OCA2: variants seen among roughly 807,000 people sequenced by gnomAD.
OCA2 encodes OCA2 melanosomal transmembrane protein.
OCA2 carries 77 observed loss-of-function variants against 100.2 expected under a neutral mutation model. That is an observed-to-expected ratio of 0.77 (90% confidence interval 0.64 to 0.93). The LOEUF (loss-of-function observed/expected upper bound fraction) is 0.93, where lower values mean the gene tolerates loss of function less well. Ranked by LOEUF, OCA2 falls within the 40% of genes least tolerant of loss-of-function variation. OCA2 has a pLI of 0.00. For synonymous variants in OCA2, 432 were observed against 439.2 expected (o/e 0.98, Z 0.21); for missense variants, 1,062 against 1,089.1 (o/e 0.98, Z 0.35).
rs115402076 is a variant in OCA2, at chr15:27,842,535, C to T, written c.2432+2424G>A. ...TAAGAAATTCATGCAAATAAAGGCCCTACTACAATTAGATAACCATTCCCT... is the reference window on the plus strand; with the variant it reads ...TAAGAAATTCATGCAAATAAAGGCCTTACTACAATTAGATAACCATTCCCT... On this transcript the variant is annotated intron_variant, in intron 23 of 23. Coordinates refer to ENST00000354638, the MANE Select transcript of OCA2 (RefSeq NM_000275.3). Among the ~76,000 whole-genome samples, 1,133 of 152,260 alleles carry T rather than the reference C, an allele frequency of 7.4e-3. 23 individuals are homozygous for T. The highest frequency in any genetic ancestry group is 0.026 in the African/African-American group (1,076 of 41,536).
chr15:27,730,733 ATATATATATATAT>A, the OCA2 span, among the ~76,000 whole-genome samples: 1 of 332 alleles, frequency 3.0e-3, no homozygotes, highest in Non-Finnish European at 0.011. Context: ...AAAAGACCAA[ATATATATATATAT>A]ATATATATAT....
chr15:27,882,461 T>C (rs1373629115), intron 19 of OCA2, among the ~76,000 whole-genome samples: 1 of 152,238 alleles, frequency 6.6e-6, no homozygotes, highest in African/African-American at 2.4e-5. Flanking sequence ...TCATTTCAAG[T>C]GCATTTTCTT....
chr15:28,029,486 T>C (rs1049276836), intron 3 of OCA2, among the ~76,000 whole-genome samples: 5 of 152,232 alleles, frequency 3.3e-5, no homozygotes, highest in African/African-American at 7.2e-5. Flanking sequence ...TGCTGTGCAA[T>C]AGAACTTTCT....
chr15:27,874,787 G>A (rs1277065379), intron 19 of OCA2, among the ~76,000 whole-genome samples: 1 of 152,016 alleles, frequency 6.6e-6, no homozygotes, highest in Non-Finnish European at 1.5e-5. Flanking sequence ...TGCCAGGAAA[G>A]GGGAAATAGA....
At chr15:27,914,734 C>T (rs1212760232) in intron 19 of OCA2, among the ~76,000 whole-genome samples, 2 of 152,082 alleles carry the variant, frequency 1.3e-5, no homozygotes, top group East Asian at 1.9e-4. Context: ...AATGGAAAAA[C>T]TTTCCATGCT....
chr15:27,760,296 T>C (rs1261392803), intron 23 of OCA2, among the ~76,000 whole-genome samples: 6 of 151,906 alleles, frequency 3.9e-5, no homozygotes, highest in Non-Finnish European at 1.5e-5. Context: ...AATTAAAAAC[T>C]ACAGCTAACA....
chr15:27,817,766 A>T (rs947390884), intron 23 of OCA2, among the ~76,000 whole-genome samples: 2 of 152,188 alleles, frequency 1.3e-5, no homozygotes, highest in Non-Finnish European at 2.9e-5. Flanking sequence ...CACAGGGGGC[A>T]TACAAACCTG....
At chr15:27,972,861 TTATTTTA>T (rs1241948963) in intron 14 of OCA2, among the ~76,000 whole-genome samples, 5 of 54,566 alleles carry the variant, frequency 9.2e-5, no homozygotes, top group Non-Finnish European at 3.3e-4. Flanking sequence ...TTATTTTATT[TTATTTTA>T]TTTTATTTTA....
At chr15:27,781,077 T>C (rs758469014) in intron 23 of OCA2, among the ~76,000 whole-genome samples, 5 of 152,248 alleles carry the variant, frequency 3.3e-5, no homozygotes, top group African/African-American at 4.8e-5. Context: ...TCTAAGCTCA[T>C]TGGACATCTC....
At chr15:27,789,006 T>A (rs1349022922) in intron 23 of OCA2, among the ~76,000 whole-genome samples, 1 of 152,104 alleles carries the variant, frequency 6.6e-6, no homozygotes, top group African/African-American at 2.4e-5. Context: ...ATTCTTTCCC[T>A]CCTCCTTTAT....
intron 2 of OCA2, among the ~76,000 whole-genome samples, chr15:28,033,031 G>T: frequency 6.6e-6 from 1 of 152,208 alleles, no homozygotes; most frequent in East Asian, 1.9e-4. Context: ...GCAAAGGTTT[G>T]CACTGGGCAG....
chr15:27,877,636 C>T (rs77383263), intron 19 of OCA2, among the ~76,000 whole-genome samples: 2,392 of 152,014 alleles, frequency 0.016, 57 homozygotes, highest in African/African-American at 0.051. Context: ...TGCTTATTAC[C>T]TGCATGCTAT....
intron 23 of OCA2, among the ~76,000 whole-genome samples, chr15:27,825,235 G>C (rs116287671): frequency 6.6e-6 from 1 of 152,092 alleles, no homozygotes; most frequent in South Asian, 2.1e-4. Flanking sequence ...CTGCCCTCCC[G>C]CCCCAGAGCT....
At chr15:27,882,966 GTCAGTCC>G (rs1304300404) in intron 19 of OCA2, among the ~76,000 whole-genome samples, 1 of 152,218 alleles carries the variant, frequency 6.6e-6, no homozygotes, top group African/African-American at 2.4e-5. Context: ...CCAGTCATCA[GTCAGTCC>G]TCTGGGCCTT....
chr15:28,065,797 C>T (rs529998973), intron 2 of OCA2, among the ~76,000 whole-genome samples: 1 of 152,186 alleles, frequency 6.6e-6, no homozygotes, highest in African/African-American at 2.4e-5. Context: ...TTTAAGTTCT[C>T]TCAGCAATAT....
intron 21 of OCA2, among the ~76,000 whole-genome samples, chr15:27,858,109 T>C (rs567300636): frequency 4.6e-5 from 7 of 152,298 alleles, no homozygotes; most frequent in Admixed American, 1.3e-4. Flanking sequence ...ATTACTTCTT[T>C]ATCAGAAATT....
At chr15:28,040,927 A>G (rs1415399256) in intron 2 of OCA2, among the ~76,000 whole-genome samples, 1 of 152,176 alleles carries the variant, frequency 6.6e-6, no homozygotes, top group South Asian at 2.1e-4. Context: ...ATTAACACCA[A>G]TTCTTCTCAA....
intron 19 of OCA2, among the ~76,000 whole-genome samples, chr15:27,887,047 T>C (rs1202224230): frequency 1.3e-5 from 2 of 152,190 alleles, no homozygotes; most frequent in African/African-American, 2.4e-5. Flanking sequence ...TCACGAGACC[T>C]GATGGTTTTA....
chr15:27,771,550 T>C (rs941672252), intron 23 of OCA2, among the ~76,000 whole-genome samples: 52 of 152,182 alleles, frequency 3.4e-4, no homozygotes, highest in African/African-American at 1.2e-3. Flanking sequence ...TTGAGACTTG[T>C]GTTCCACAGC....
Sources: gnomAD v4.1 joint callset for allele counts (sites outside exome capture counted in the v4.1 genomes callset) on GRCh38, gnomAD v4.1.1 for gene constraint, MANE v1.5 for transcripts, NCBI Gene and HGNC (gene_info 2026-07-23, HGNC 2026-07-21) for gene names.